The following MMD2 variants were observed in gnomAD, a reference collection of about 807,000 sequenced individuals.
MMD2 encodes monocyte to macrophage differentiation factor 2.
In MMD2, 30 loss-of-function variants were observed where a neutral mutation model predicts 33.5. The observed-to-expected ratio is 0.90, with a 90% CI of 0.67 to 1.22. The LOEUF (loss-of-function observed/expected upper bound fraction) is 1.22, where lower values mean the gene tolerates loss of function less well. MMD2 is among the 50% of genes most tolerant of loss of function. MMD2 has a pLI of 0.00. For synonymous variants in MMD2, 129 were observed against 123.0 expected (o/e 1.05, Z -0.32); for missense variants, 364 against 325.4 (o/e 1.12, Z -0.91).
At chr7:4,954,998 C>T (rs1022296979) in intron 1 of MMD2, among the ~76,000 whole-genome samples, 1 of 152,120 alleles carries the variant, frequency 6.6e-6, no homozygotes, top group Non-Finnish European at 1.5e-5. Flanking sequence ...GGTTTATCAG[C>T]AACACCATCT....
chr7:4,901,642 A>G (rs979926949), downstream of MMD2, among the ~76,000 whole-genome samples: 1 of 152,042 alleles, frequency 6.6e-6, no homozygotes, highest in Non-Finnish European at 1.5e-5. Flanking sequence ...CAGACTCTGG[A>G]CTCTTACCTC....
chr7:4,939,467 C>A (rs890585214), intron 1 of MMD2, among the ~76,000 whole-genome samples: 1 of 149,890 alleles, frequency 6.7e-6, no homozygotes, highest in Non-Finnish European at 1.5e-5. Flanking sequence ...AGCTTGAACC[C>A]AGGAATTTGA....
At chr7:4,957,375 G>A (rs1030546695) in intron 1 of MMD2, among the ~76,000 whole-genome samples, 24 of 151,564 alleles carry the variant, frequency 1.6e-4, no homozygotes, top group African/African-American at 5.3e-4. Context: ...AAGGCCGGGG[G>A]CGGTGGGTCA....
At position 4,907,675 on chromosome 7, in the gene MMD2, C is replaced by T. The variant is rs1784899266; in HGVS notation, c.538-76G>A. The T allele has an allele frequency of 3.4e-6, 5 of 1,470,392 alleles. No individual in the cohort carries two copies. The South Asian group carries it at 5.8e-5, about 17-fold the overall frequency. 91.1% of individuals were successfully genotyped at this position (1,470,392 alleles called of 1,614,324 possible). A position where few individuals can be genotyped will look rare whatever the true frequency, so the allele number is the denominator to read the frequency against. On this transcript the variant is annotated intron_variant, in intron 6 of 6. Coordinates refer to ENST00000401401, the MANE Select transcript of MMD2 (RefSeq NM_198403.4). The stretch of plus-strand genomic sequence containing the variant: ...GCTGAAAGCACCAGCCAGTCCCCAC[C>T]ACCCAAAACCAAAAGACATGCAGAT...
In MMD2 at chr7:4,911,630, T is replaced by G. The variant is rs1037230151; in HGVS notation, c.366-384A>C. 1.1e-4 allele frequency among the ~76,000 whole-genome samples: 16 copies of G among 151,582 alleles called. No homozygotes were observed. In the East Asian group the frequency reaches 3.1e-3, roughly 29 times the overall value. ...TTATTTTATTTTATTTCATTTATTT[T>G]ATTTATTTTATTTTATTTATTTTAT... On this transcript the variant is annotated intron_variant, in intron 4 of 6. Coordinates refer to ENST00000401401, the MANE Select transcript of MMD2 (RefSeq NM_198403.4).
intron 4 of MMD2, 89 bp downstream of exon 4, chr7:4,915,916 A>C: frequency 7.3e-7 from 1 of 1,368,352 alleles, no homozygotes; most frequent in East Asian, 2.4e-5. Flanking sequence ...GTGCCAAGTC[A>C]ACACATTACC....
intron 1 of MMD2, among the ~76,000 whole-genome samples, chr7:4,945,191 C>CTTCTTCTTG (rs1786028890): frequency 7.8e-6 from 1 of 128,932 alleles, no homozygotes; most frequent in African/African-American, 3.0e-5. Context: ...CCTCTTTCTT[C>CTTCTTCTTG]TTCTTCTTCT....
downstream of MMD2, among the ~76,000 whole-genome samples, chr7:4,903,867 G>A (rs573988843): frequency 1.2e-3 from 176 of 152,274 alleles, no homozygotes; most frequent in African/African-American, 4.1e-3. Context: ...GGGTCACCGG[G>A]AACCTCACGG....
chr7:4,934,190 A>G (rs1192880356), intron 1 of MMD2, among the ~76,000 whole-genome samples: 1 of 152,082 alleles, frequency 6.6e-6, no homozygotes, highest in Non-Finnish European at 1.5e-5. Context: ...TCGGCCTCCC[A>G]AAGTGCTGGG....
intron 1 of MMD2, among the ~76,000 whole-genome samples, chr7:4,939,549 CA>C (rs1012303707): frequency 2.6e-5 from 4 of 151,676 alleles, no homozygotes; most frequent in Non-Finnish European, 5.9e-5. Context: ...TCTCAGAAAA[CA>C]AAAAAAGTCT....
At chr7:4,916,152 C>G (rs1158543697) in intron 3 of MMD2, 73 bp from the exon 4 acceptor site, 4 of 1,432,918 alleles carry the variant, frequency 2.8e-6, no homozygotes, top group Admixed American at 3.5e-5. Context: ...AGAGCCGTGC[C>G]CTGGACTGAT....
chr7:4,952,981 T>A (rs1786289312), intron 1 of MMD2, among the ~76,000 whole-genome samples: 1 of 150,214 alleles, frequency 6.7e-6, no homozygotes, highest in African/African-American at 2.5e-5. Context: ...CTGGCCTTTT[T>A]TTGTTTTTTG....
In MMD2 at chr7:4,919,528, A is replaced by G. The variant is rs554643086; in HGVS notation, c.290+643T>C. 3.9e-5 allele frequency among the ~76,000 whole-genome samples: 6 copies of G among 152,222 alleles called. No homozygotes were observed. The East Asian group carries it at 9.7e-4, about 25-fold the overall frequency. On this transcript the variant is annotated intron_variant, in intron 3 of 6. Transcript: ENST00000401401. ...GGCTACAGTGAGCTGAGACTGTACC[A>G]CTGCACTCCAGCCTGGGCAACAGAT...
intron 2 of MMD2, among the ~76,000 whole-genome samples, chr7:4,925,179 C>T (rs1423060324): frequency 6.6e-6 from 1 of 152,124 alleles, no homozygotes; most frequent in African/African-American, 2.4e-5. Flanking sequence ...GATCTGCCCA[C>T]CTCAGCCTTC....
chr7:4,899,115 A>G, the MMD2 span, among the ~76,000 whole-genome samples: 28 of 152,248 alleles, frequency 1.8e-4, no homozygotes, highest in African/African-American at 6.5e-4. Context: ...TGTGTCAGTC[A>G]TGGGAGGACA....
At chr7:4,911,366 G>A (rs1021857686) in intron 4 of MMD2, 120 bp from the exon 5 acceptor site, 21 of 718,752 alleles carry the variant, frequency 2.9e-5, no homozygotes, top group African/African-American at 2.1e-4. Context: ...GTGACTCCAC[G>A]GCTGGGACAT....
At chr7:4,943,686 C>T (rs192238438) in intron 1 of MMD2, among the ~76,000 whole-genome samples, 42 of 152,304 alleles carry the variant, frequency 2.8e-4, no homozygotes, top group African/African-American at 9.6e-4. Flanking sequence ...GGTACTTAAC[C>T]TCCCTGAGCT....
In MMD2 at chr7:4,958,184, C is replaced by T. The variant is rs1450699133; in HGVS notation, c.47+787G>A. 5.9e-5 allele frequency among the ~76,000 whole-genome samples: 9 copies of T among 152,126 alleles called. No homozygotes were observed. In the East Asian group the frequency reaches 1.3e-3, roughly 23 times the overall value. ...TCCCAGCAGACGGGTCTGTGCTCGC[C>T]GAAGACCACTGGGGACCGAGGAGCA... is the stretch of plus-strand genomic sequence containing the variant. On this transcript the variant is annotated intron_variant, in intron 1 of 6. Coordinates refer to ENST00000401401, the MANE Select transcript of MMD2 (RefSeq NM_198403.4).
At chr7:4,956,873 G>T (rs1208382173) in intron 1 of MMD2, among the ~76,000 whole-genome samples, 1 of 151,928 alleles carries the variant, frequency 6.6e-6, no homozygotes, top group Non-Finnish European at 1.5e-5. Flanking sequence ...ACCAACTTAC[G>T]TCTCACAAAA....
Sources: gnomAD v4.1 joint callset for allele counts (sites outside exome capture counted in the v4.1 genomes callset) on GRCh38, gnomAD v4.1.1 for gene constraint, MANE v1.5 for transcripts, NCBI Gene and HGNC (gene_info 2026-07-23, HGNC 2026-07-21) for gene names.